ANK2: variants seen among roughly 807,000 people sequenced by gnomAD.
ANK2 encodes ankyrin-2.
Under a neutral mutation model 360.5 loss-of-function variants are expected in ANK2, and 83 were observed. The observed-to-expected ratio is 0.23, with a 90% CI of 0.19 to 0.28. The LOEUF is 0.28. Ranked by LOEUF, ANK2 falls within the 10% of genes least tolerant of loss-of-function variation. ANK2 has a pLI of 1.00. For missense variants in ANK2, 4,201 were observed against 4,795.7 expected (o/e 0.88, Z 3.66); for synonymous variants, 1,740 against 1,759.5 (o/e 0.99, Z 0.28).
At chr4:112,850,793 G>C (rs2064789070) in intron 1 of ANK2, among the ~76,000 whole-genome samples, 1 of 151,950 alleles carries the variant, frequency 6.6e-6, no homozygotes, top group African/African-American at 2.4e-5. Flanking sequence ...TGGGAGTATA[G>C]GTGCAAGTCA....
At chr4:112,846,949 T>C (rs1011561430) in intron 1 of ANK2, among the ~76,000 whole-genome samples, 13 of 152,208 alleles carry the variant, frequency 8.5e-5, no homozygotes, top group African/African-American at 3.1e-4. Context: ...AGGTCAAGAC[T>C]TCCCTCCTGA....
chr4:113,139,961 T>C (rs556041507), intron 1 of ANK2, among the ~76,000 whole-genome samples: 8 of 152,348 alleles, frequency 5.3e-5, no homozygotes, highest in Non-Finnish European at 1.0e-4. Context: ...AAGTCATTTA[T>C]ATTGACCTCA....
chr4:113,134,548 T>C (rs1163141531), intron 1 of ANK2, among the ~76,000 whole-genome samples: 1 of 152,084 alleles, frequency 6.6e-6, no homozygotes, highest in African/African-American at 2.4e-5. Context: ...GTTCTCCTTG[T>C]TCCAGAGCAA....
At chr4:112,887,650 T>G (rs546314654) in intron 1 of ANK2, among the ~76,000 whole-genome samples, 2 of 152,338 alleles carry the variant, frequency 1.3e-5, no homozygotes, top group East Asian at 3.9e-4. Flanking sequence ...AAAATCCATC[T>G]TAATGTTAGT....
intron 1 of ANK2, among the ~76,000 whole-genome samples, chr4:112,852,620 A>T (rs1304987651): frequency 6.6e-6 from 1 of 152,228 alleles, no homozygotes; most frequent in East Asian, 1.9e-4. Flanking sequence ...AGTCTTAAAA[A>T]ACAACAAACA....
At chr4:113,145,494 C>G (rs2096794124) in intron 1 of ANK2, 8 of 630,850 alleles carry the variant, frequency 1.3e-5, no homozygotes, top group Non-Finnish European at 1.6e-5. Flanking sequence ...GAACTTAAGT[C>G]CATGTGTGAG....
At chr4:113,015,870 C>T (rs529908427) in intron 2 of ANK2, among the ~76,000 whole-genome samples, 1 of 152,126 alleles carries the variant, frequency 6.6e-6, no homozygotes, top group East Asian at 1.9e-4. Context: ...ACAAATAGCA[C>T]ATTTGGGGAG....
rs530099267 is a variant in ANK2 at position 113,207,424 on chromosome 4, T to C, written c.384+8315T>C. 5.5e-4 allele frequency among the ~76,000 whole-genome samples: 83 copies of C among 152,272 alleles called. 2 individuals are homozygous for C. The South Asian group carries it at 0.017, about 31-fold the overall frequency. On this transcript the variant is annotated intron_variant, in intron 4 of 45. Transcript: ENST00000357077. ...TAAATTTGTAGTCAGTTAAGACTTG[T>C]AGGGAGAAAAGTAAATGGTCTCCAA...
chr4:112,826,497 A>T, intron 1 of ANK2: 1 of 1,172,004 alleles, frequency 8.5e-7, no homozygotes. Context: ...ATCTACTGGG[A>T]CCACATCTGA....
chr4:113,128,204 A>C (rs1191865483), intron 1 of ANK2, among the ~76,000 whole-genome samples: 1 of 152,184 alleles, frequency 6.6e-6, no homozygotes, highest in Non-Finnish European at 1.5e-5. Context: ...TGGAGTCCTT[A>C]ATTCAAATCT....
chr4:113,088,628 G>A (rs911648505), intron 1 of ANK2, among the ~76,000 whole-genome samples: 5 of 151,840 alleles, frequency 3.3e-5, no homozygotes, highest in Non-Finnish European at 4.4e-5. Flanking sequence ...AGAAAAGGAC[G>A]TTTTATGTCT....
chr4:113,321,660 AT>A (rs1024662667), intron 26 of ANK2, among the ~76,000 whole-genome samples: 1 of 151,926 alleles, frequency 6.6e-6, no homozygotes, highest in East Asian at 1.9e-4. Flanking sequence ...GCTTTTATTT[AT>A]TTTTTTTGAA....
chr4:113,166,882 A>C (rs2097770802), intron 1 of ANK2, among the ~76,000 whole-genome samples: 1 of 152,178 alleles, frequency 6.6e-6, no homozygotes, highest in Non-Finnish European at 1.5e-5. Flanking sequence ...TACCAAGGAT[A>C]ATAATTCATG....
At chr4:112,735,024 A>G in the ANK2 span, among the ~76,000 whole-genome samples, 1 of 152,368 alleles carries the variant, frequency 6.6e-6, no homozygotes, top group South Asian at 2.1e-4. Flanking sequence ...TCCCTAGAGC[A>G]ATTGCACATG....
intron 1 of ANK2, among the ~76,000 whole-genome samples, chr4:113,133,538 T>A (rs149031053): frequency 6.6e-6 from 1 of 152,294 alleles, no homozygotes; most frequent in African/African-American, 2.4e-5. Context: ...GCCTTTTCGC[T>A]AAACCATGCT....
chr4:113,055,986 C>A (rs1031238610), intron 1 of ANK2, among the ~76,000 whole-genome samples: 1 of 152,108 alleles, frequency 6.6e-6, no homozygotes, highest in Admixed American at 6.6e-5. Context: ...AAAGTAACTT[C>A]TTTCATGGCT....
In ANK2 at chr4:112,835,082, T is replaced by C. The variant is rs375647346; in HGVS notation, c.-40+16818T>C. On this transcript the variant is annotated intron_variant, in intron 1 of 30. Coordinates refer to the ANK2 transcript ENST00000503271. ...TCTCATGTTTCACTTTGAGTGATAC[T>C]AAGATTTAGGAGAGGATTTGGGTGG... 3.1e-4 allele frequency among the ~76,000 whole-genome samples: 47 copies of C among 152,354 alleles called. 1 individual carries two copies. The East Asian group carries it at 7.1e-3, about 23-fold the overall frequency.
chr4:112,870,875 G>T (rs939510766), intron 1 of ANK2, among the ~76,000 whole-genome samples: 19 of 152,054 alleles, frequency 1.2e-4, no homozygotes, highest in African/African-American at 4.6e-4. Flanking sequence ...GATCACTTTG[G>T]GTAGTATTGC....
intron 1 of ANK2, among the ~76,000 whole-genome samples, chr4:112,891,767 G>A (rs1009398159): frequency 2.6e-5 from 4 of 152,150 alleles, no homozygotes; most frequent in African/African-American, 9.7e-5. Context: ...GATAAGTATT[G>A]TCTATTATTA....
Sources: gnomAD v4.1 joint callset for allele counts (sites outside exome capture counted in the v4.1 genomes callset) on GRCh38, gnomAD v4.1.1 for gene constraint, MANE v1.5 for transcripts, NCBI Gene and HGNC (gene_info 2026-07-23, HGNC 2026-07-21) for gene names.